The following PRKACB variants were observed in gnomAD, a reference collection of about 807,000 sequenced individuals.
PRKACB encodes the protein cAMP-dependent protein kinase catalytic subunit beta.
Under a neutral mutation model 51.4 loss-of-function variants are expected in PRKACB, and 16 were observed. That is an observed-to-expected ratio of 0.31 (90% CI 0.21 to 0.47). The LOEUF (loss-of-function observed/expected upper bound fraction) is 0.47. Ranked by LOEUF, PRKACB falls within the 20% of genes least tolerant of loss-of-function variation. The probability of loss-of-function intolerance (pLI) is 1.00; values close to 1 mark genes in which losing one functional copy is unlikely to be tolerated. For missense variants in PRKACB, 309 were observed against 464.5 expected (o/e 0.67, Z 3.08); for synonymous variants, 147 against 154.4 (o/e 0.95, Z 0.35).
At chr1:84,175,168 A>T in intron 1 of PRKACB, 1 of 1,033,722 alleles carries the variant, frequency 9.7e-7, no homozygotes. Context: ...TATCAAGTTA[A>T]TGAAATATTT....
intron 7 of PRKACB, among the ~76,000 whole-genome samples, chr1:84,201,691 G>A (rs887009929): frequency 8.6e-5 from 13 of 152,000 alleles, no homozygotes; most frequent in African/African-American, 3.1e-4. Context: ...ACAAAAGGGT[G>A]GAATGTGGTG....
chr1:84,179,134 A>G (rs1037692090), intron 1 of PRKACB, 43 bp from the exon 2 acceptor site: 4 of 1,522,388 alleles, frequency 2.6e-6, no homozygotes, highest in Admixed American at 3.6e-5. Context: ...CAGAATATAA[A>G]TATTCTTACA....
intron 1 of PRKACB, chr1:84,164,267 G>A (rs917933971): frequency 1.3e-4 from 197 of 1,465,650 alleles, no homozygotes; most frequent in Non-Finnish European, 1.7e-4. Flanking sequence ...CAGCGATCTC[G>A]GCAATAAGAT....
chr1:84,078,528 C>T (rs1279548194), intron 1 of PRKACB, among the ~76,000 whole-genome samples: 1 of 152,216 alleles, frequency 6.6e-6, no homozygotes, highest in Non-Finnish European at 1.5e-5. Context: ...CTGCCTTTCT[C>T]CTCCATTCCG....
At chr1:84,173,867 C>T (rs911831397) in intron 1 of PRKACB, among the ~76,000 whole-genome samples, 2 of 151,660 alleles carry the variant, frequency 1.3e-5, no homozygotes, top group African/African-American at 4.8e-5. Context: ...GCTTGTGGTT[C>T]CTAATATTTT....
chr1:84,175,536 A>G (rs1660937971), intron 1 of PRKACB, among the ~76,000 whole-genome samples: 1 of 151,794 alleles, frequency 6.6e-6, no homozygotes, highest in Admixed American at 6.6e-5. Context: ...ACATTCTTAT[A>G]GTGGAATTAC....
intron 1 of PRKACB, among the ~76,000 whole-genome samples, chr1:84,082,969 A>G (rs1006094066): frequency 6.6e-6 from 1 of 152,230 alleles, no homozygotes; most frequent in African/African-American, 2.4e-5. Flanking sequence ...AAGCATTTAT[A>G]AACTTAGTGA....
chr1:84,149,910 T>G (rs1246081912), intron 1 of PRKACB, among the ~76,000 whole-genome samples: 1 of 152,154 alleles, frequency 6.6e-6, no homozygotes, highest in Non-Finnish European at 1.5e-5. Flanking sequence ...TTTCATAGAT[T>G]ATAGCACTTG....
chr1:84,127,997 CT>C lies in PRKACB; in HGVS notation c.46+49635del, dbSNP rs202007529. Among the ~76,000 whole-genome samples the C allele has an allele frequency of 2.4e-3, 312 of 128,892 alleles. 6 individuals are homozygous for C. Among genetic ancestry groups the C allele is most frequent in the Admixed American group, 0.023 (280 of 12,278 alleles). The allele number at this position is 128,892 out of a possible 152,430, so 84.6% of individuals were successfully genotyped here. ...ATTCTTTGTTAGAATTATTTCTTTT[CT>C]TTTTTTTTCTTTTTTTTTTTTTTTT... On this transcript the variant is annotated intron_variant, in intron 1 of 8. Transcript: ENST00000370688.
Position 84,214,240 on chromosome 1 carries a change from C to G in PRKACB, c.994C>G (p.Leu332Val). The change falls in exon 9 of 10, where the codon CTA (leucine) becomes GTA (valine). Residue 332 changes from leucine to valine, a missense_variant. Physicochemically the swap from Leu to Val is conservative, Grantham distance 32. Coordinates refer to ENST00000370685, the MANE Select transcript of PRKACB (RefSeq NM_182948.4). ...QVDLTKRFGN[L>V]KNGVSDIKTH... ...GGATTTGACCAAGAGATTTGGAAAT[C>G]TAAAGAATGGTGTCAGTGATATAAA... 6.2e-7 allele frequency: 1 copy of G among 1,613,566 alleles called. No homozygotes were observed. The highest frequency in any genetic ancestry group is 8.5e-7 in the Non-Finnish European group (1 of 1,179,760).
At chr1:84,148,323 T>C (rs1654390296) in intron 1 of PRKACB, among the ~76,000 whole-genome samples, 3 of 152,196 alleles carry the variant, frequency 2.0e-5, no homozygotes, top group Middle Eastern at 3.4e-3. Context: ...TATGTTCTTA[T>C]ATCATCTTAT....
At chr1:84,164,580 C>T in intron 1 of PRKACB, 1 of 1,380,994 alleles carries the variant, frequency 7.2e-7, no homozygotes, top group Non-Finnish European at 9.6e-7. Flanking sequence ...TTTAGAAAAG[C>T]TACGCCTTGG....
chr1:84,105,791 T>A (rs1000887946), intron 1 of PRKACB, among the ~76,000 whole-genome samples: 1 of 152,030 alleles, frequency 6.6e-6, no homozygotes. Context: ...TTGGTCAGGC[T>A]GATCTCGAAC....
chr1:84,188,518 T>TA (rs1268325483), intron 5 of PRKACB, among the ~76,000 whole-genome samples: 1 of 151,896 alleles, frequency 6.6e-6, no homozygotes, highest in Non-Finnish European at 1.5e-5. Flanking sequence ...AGTTTACAAT[T>TA]AACAAGTAAA....
intron 1 of PRKACB, chr1:84,175,784 TG>T: frequency 6.4e-7 from 1 of 1,573,084 alleles, no homozygotes; most frequent in South Asian, 1.2e-5. Flanking sequence ...AAACAAATCT[TG>T]GGTGAACATG....
chr1:84,138,665 T>C (rs549326484), intron 1 of PRKACB, among the ~76,000 whole-genome samples: 4 of 152,328 alleles, frequency 2.6e-5, no homozygotes, highest in African/African-American at 9.6e-5. Context: ...GACAGAATAC[T>C]TCTCAACTTA....
chr1:84,158,425 T>A (rs1459909858), intron 1 of PRKACB, among the ~76,000 whole-genome samples: 1 of 152,188 alleles, frequency 6.6e-6, no homozygotes, highest in African/African-American at 2.4e-5. Flanking sequence ...AACTTTATGA[T>A]GTTGAGCATA....
rs1482509546 is a variant in PRKACB, at chr1:84,104,145, C to T, written c.46+25774C>T. On this transcript the variant is annotated intron_variant, in intron 1 of 8. Transcript: ENST00000370688. ...ACCCACAATTATCTAATTCTCTTCC[C>T]AACTTTTAATAACCACAATTCTCCT... Among the ~76,000 whole-genome samples, 5 of 152,068 alleles carry T rather than the reference C, an allele frequency of 3.3e-5. No individual in the cohort carries two copies. In the East Asian group the frequency reaches 9.6e-4, roughly 29 times the overall value.
At chr1:84,128,236 T>C (rs752251915) in intron 1 of PRKACB, among the ~76,000 whole-genome samples, 1 of 151,932 alleles carries the variant, frequency 6.6e-6, no homozygotes, top group Non-Finnish European at 1.5e-5. Context: ...TTCTTTAATG[T>C]ATGTACCTTA....
Sources: allele counts gnomAD v4.1 joint callset (sites outside exome capture counted in the v4.1 genomes callset), GRCh38; gene constraint gnomAD v4.1.1; transcripts MANE v1.5; gene names NCBI Gene and HGNC (gene_info 2026-07-23, HGNC 2026-07-21).